OSM: variants seen among roughly 807,000 people sequenced by gnomAD.
OSM encodes oncostatin-M.
A neutral mutation model predicts 6.3 loss-of-function variants in OSM; 1 was observed. The ratio of observed to expected loss-of-function variants is 0.16; its 90% CI spans 0.06 to 0.76. The LOEUF is 0.76. OSM is among the 30% of genes least tolerant of loss of function. The probability of loss-of-function intolerance (pLI) is 0.77; values close to 1 mark genes in which losing one functional copy is unlikely to be tolerated. For synonymous variants in OSM, 135 were observed against 143.4 expected (o/e 0.94, Z 0.42); for missense variants, 324 against 336.9 (o/e 0.96, Z 0.30).
At chr22:30,265,186 AG>A (rs1929360362) in intron 1 of OSM, 42 bp from the exon 2 acceptor site, 1 of 1,587,466 alleles carries the variant, frequency 6.3e-7, no homozygotes, top group Non-Finnish European at 8.6e-7. Flanking sequence ...TGGTGAGGAA[AG>A]CCACAGATGG....
At position 30,263,429 on chromosome 22, in the gene OSM, A is replaced by C. The variant is rs1929291237; in HGVS notation, c.*454T>G. On this transcript the variant is annotated 3_prime_UTR_variant, in exon 3 of 3. Transcript: ENST00000215781. The stretch of plus-strand genomic sequence containing the variant: ...CAGACATCCAGGTGTCTGGTTTGGG[A>C]CATGATGAGGCATAGGAGGCCAGCT... 6.2e-6 allele frequency: 1 copy of C among 160,884 alleles called. No homozygotes were observed. The highest frequency in any genetic ancestry group is 2.0e-4 in the South Asian group (1 of 4,988). 10.0% of individuals were successfully genotyped at this position (160,884 alleles called of 1,614,324 possible).
At chr22:30,265,170 C>G in intron 1 of OSM, 26 bp from the exon 2 acceptor site, 1 of 1,595,544 alleles carries the variant, frequency 6.3e-7, no homozygotes, top group Non-Finnish European at 8.6e-7. Flanking sequence ...GGGGTGTCAC[C>G]TGACTTGGTG....
rs1364162720 is a variant in OSM, at chr22:30,264,037, A to G, written c.605T>C (p.Met202Thr). Reference protein sequence around the residue: ...CRFLHGYHRFMHSVGRVFSKW... With the variant: ...CRFLHGYHRFTHSVGRVFSKW... ...GCTGAAGACCCGCCCCACTGAGTGCATGAAGCGATGGTAGCCATGCAGGAA... is the reference window on the plus strand; with the variant it reads ...GCTGAAGACCCGCCCCACTGAGTGCGTGAAGCGATGGTAGCCATGCAGGAA... The change falls in exon 3 of 3, where the codon ATG becomes ACG. Residue 202 changes from methionine (M) to threonine (T), a missense_variant. By Grantham distance (81) the Met-to-Thr change is moderately conservative (BLOSUM62 -1). Coordinates refer to ENST00000215781, the MANE Select transcript of OSM (RefSeq NM_020530.6). The G allele has an allele frequency of 1.3e-6, 2 of 1,577,754 alleles. No individual in the cohort carries two copies. Among genetic ancestry groups the G allele is most frequent in the African/African-American group, 1.4e-5 (1 of 74,052 alleles).
chr22:30,263,643 G>A lies in OSM; in HGVS notation c.*240C>T, dbSNP rs201680402. On this transcript the variant is annotated 3_prime_UTR_variant, in exon 3 of 3. Coordinates refer to ENST00000215781, the MANE Select transcript of OSM (RefSeq NM_020530.6). ...AAAGTCGGTCCCGCGTGGCCCGCCC[G>A]GCCACCCCACTGGGCCTGGGGAACT... The A allele has an allele frequency of 2.3e-4, 93 of 409,908 alleles. No individual in the cohort carries two copies. In the Middle Eastern group the frequency reaches 3.1e-3, roughly 14 times the overall value. The allele number at this position is 409,908 out of a possible 1,614,324, so 25.4% of individuals were successfully genotyped here.
intron 1 of OSM, among the ~76,000 whole-genome samples, chr22:30,265,971 G>C (rs986023735): frequency 6.6e-6 from 1 of 152,262 alleles, no homozygotes; most frequent in African/African-American, 2.4e-5. Context: ...GCAATGGCCC[G>C]GAAGGCAGTG....
chr22:30,266,649 T>C lies in OSM; in HGVS notation c.34+117A>G. On this transcript the variant is annotated intron_variant, in intron 1 of 2. Coordinates refer to ENST00000215781, the MANE Select transcript of OSM (RefSeq NM_020530.6). The surrounding 1 kb of genome is among the most constrained non-coding windows in gnomAD (Gnocchi z 5.0). ...GGCTCTCTCCCCTTCTCAGCATCCT[T>C]CTGCCTGGCGCCTGGCCTCCCCAGT... The C allele has an allele frequency of 8.7e-7, 1 of 1,148,470 alleles. No homozygotes were observed. The highest frequency in any genetic ancestry group is 1.3e-6 in the Non-Finnish European group (1 of 779,570). The allele number at this position is 1,148,470 out of a possible 1,614,324, so 71.1% of individuals were successfully genotyped here. A position where few individuals can be genotyped will look rare whatever the true frequency, so the allele number is the denominator to read the frequency against.
At chr22:30,265,239 T>C in intron 1 of OSM, 95 bp from the exon 2 acceptor site, 2 of 1,531,458 alleles carry the variant, frequency 1.3e-6, no homozygotes, top group Admixed American at 3.8e-5. Context: ...GAAAGGTGCC[T>C]CCTTCATCCC....
rs201450820 is a variant in OSM, at chr22:30,264,206, G to A, written c.436C>T (p.Leu146Phe). ...LQMARPNILGLRNNIYCMAQL... is the reference protein window; with the variant it reads ...LQMARPNILGFRNNIYCMAQL... ...GCCATGCAGTAGATGTTGTTCCTGA[G>A]CCCGAGGATGTTCGGCCTCGCCATC... The change falls in exon 3 of 3, where the codon CTC becomes TTC. Residue 146 changes from leucine (L) to phenylalanine (F), a missense_variant. By Grantham distance (22) the Leu-to-Phe change is conservative (BLOSUM62 0). Coordinates refer to ENST00000215781, the MANE Select transcript of OSM (RefSeq NM_020530.6). The A allele has an allele frequency of 4.0e-5, 64 of 1,613,944 alleles. No homozygotes were observed. The highest frequency in any genetic ancestry group is 5.1e-5 in the Non-Finnish European group (60 of 1,180,042).
In OSM at chr22:30,265,044, C is replaced by T. The variant is rs1251332560; in HGVS notation, c.135G>A (p.Gln45=). 6.2e-6 allele frequency: 10 copies of T among 1,614,192 alleles called. No homozygotes were observed. The highest frequency in any genetic ancestry group is 8.5e-6 in the Non-Finnish European group (10 of 1,180,012). Residue 45 remains glutamine, a synonymous_variant, in exon 2 of 3, where the codon CAG becomes CAA. Transcript: ENST00000215781. The part of the protein sequence containing the change: ...YRVLLGQLQK[Q]TDLMQDTSRL... The stretch of plus-strand genomic sequence containing the variant: ...TGCTGGTGTCCTGCATGAGATCTGT[C>T]TGCTTCTGGAGCTGGCCAAGGAGCA...
chr22:30,264,961 G>C, intron 2 of OSM, 41 bp downstream of exon 2: 1 of 1,606,460 alleles, frequency 6.2e-7, no homozygotes, highest in Non-Finnish European at 8.5e-7. Flanking sequence ...TAACCCCATA[G>C]TTCTCTGAGA....
rs1273137296 is a variant in OSM, at chr22:30,263,806, A to T, written c.*77T>A. On this transcript the variant is annotated 3_prime_UTR_variant, in exon 3 of 3. Coordinates refer to ENST00000215781, the MANE Select transcript of OSM (RefSeq NM_020530.6). ...AGGGGAACAGGTTTGGGGACCCGGG[A>T]GCTGTCATCCTGCGATGGTTCCTCT... 1 of 1,195,062 alleles carries T rather than the reference A, an allele frequency of 8.4e-7. No individual in the cohort carries two copies. The highest frequency in any genetic ancestry group is 1.1e-6 in the Non-Finnish European group (1 of 873,928). The allele number at this position is 1,195,062 out of a possible 1,614,324, so 74.0% of individuals were successfully genotyped here.
chr22:30,266,734 CG>C lies in OSM; in HGVS notation c.34+31del. ...GGCACCCGTGGGCAGACCCAGCAGG[CG>C]GGTTCTGGCGGGGAGGAAGGAAGTA... On this transcript the variant is annotated intron_variant, in intron 1 of 2. Coordinates refer to ENST00000215781, the MANE Select transcript of OSM (RefSeq NM_020530.6). This position sits in a 1 kb window ranked among gnomAD's most constrained non-coding sequence, Gnocchi z 5.0. 6.2e-7 allele frequency: 1 copy of C among 1,612,110 alleles called. No homozygotes were observed. Among genetic ancestry groups the C allele is most frequent in the Non-Finnish European group, 8.5e-7 (1 of 1,178,760 alleles).
rs1929291451 is a variant in OSM at position 30,263,431 on chromosome 22, AT to A, written c.*451del. 6.2e-6 allele frequency: 1 copy of A among 161,146 alleles called. No homozygotes were observed. The highest frequency in any genetic ancestry group is 2.0e-4 in the South Asian group (1 of 4,994). The allele number at this position is 161,146 out of a possible 1,614,324, so 10.0% of individuals were successfully genotyped here. A position where few individuals can be genotyped will look rare whatever the true frequency, so the allele number is the denominator to read the frequency against. ...GACATCCAGGTGTCTGGTTTGGGACATGATGAGGCATAGGAGGCCAGCTCAG... is the reference window on the plus strand; with the variant it reads ...GACATCCAGGTGTCTGGTTTGGGACAGATGAGGCATAGGAGGCCAGCTCAG... On this transcript the variant is annotated 3_prime_UTR_variant, in exon 3 of 3. Coordinates refer to ENST00000215781, the MANE Select transcript of OSM (RefSeq NM_020530.6).
In OSM at chr22:30,263,959, A is replaced by C. The variant is rs1929310760; in HGVS notation, c.683T>G (p.Leu228Arg). ...RSRRHSPHQALRKGVRRTRPS... is the reference protein window; with the variant it reads ...RSRRHSPHQARRKGVRRTRPS... ...TCTGGTCCTGCGCACCCCCTTCCTCAGGGCCTGGTGGGGGCTGTGTCTCCG... is the reference window on the plus strand; with the variant it reads ...TCTGGTCCTGCGCACCCCCTTCCTCCGGGCCTGGTGGGGGCTGTGTCTCCG... Residue 228 changes from leucine (L) to arginine (R), a missense_variant, in exon 3 of 3, where the codon CTG (leucine) becomes CGG (arginine). Coordinates refer to ENST00000215781, the MANE Select transcript of OSM (RefSeq NM_020530.6). The C allele has an allele frequency of 6.5e-7, 1 of 1,527,852 alleles. No homozygotes were observed. Among genetic ancestry groups the C allele is most frequent in the Non-Finnish European group, 8.8e-7 (1 of 1,138,984 alleles). The allele number at this position is 1,527,852 out of a possible 1,614,324, so 94.6% of individuals were successfully genotyped here. A position where few individuals can be genotyped will look rare whatever the true frequency, so the allele number is the denominator to read the frequency against.
chr22:30,263,827 CCT>C lies in OSM; in HGVS notation c.*54_*55del, dbSNP rs1329216711. Reference sequence around the variant, plus strand: ...CGGGAGCTGTCATCCTGCGATGGTTCCTCTCATCCACAGAGCACCTGCCGCAT... The same window carrying C: ...CGGGAGCTGTCATCCTGCGATGGTTCCTCATCCACAGAGCACCTGCCGCAT... On this transcript the variant is annotated 3_prime_UTR_variant, in exon 3 of 3. Transcript: ENST00000215781. 13 of 1,357,220 alleles carry C rather than the reference CCT, an allele frequency of 9.6e-6. No homozygotes were observed. In the Admixed American group the frequency reaches 2.7e-4, roughly 28 times the overall value. 84.1% of individuals were successfully genotyped at this position (1,357,220 alleles called of 1,614,324 possible). A position where few individuals can be genotyped will look rare whatever the true frequency, so the allele number is the denominator to read the frequency against.
chr22:30,263,531 A>C lies in OSM; in HGVS notation c.*352T>G. ...ACGGCCCTGCAAGTCATGAGAGGGA[A>C]GGACCGGCAGGCCTCGGGGAGCAAG... On this transcript the variant is annotated 3_prime_UTR_variant, in exon 3 of 3. Transcript: ENST00000215781. 7 of 266,098 alleles carry C rather than the reference A, an allele frequency of 2.6e-5. No individual in the cohort carries two copies. Among genetic ancestry groups the C allele is most frequent in the East Asian group, 6.6e-5 (1 of 15,208 alleles). The allele number at this position is 266,098 out of a possible 1,614,324, so 16.5% of individuals were successfully genotyped here. A position where few individuals can be genotyped will look rare whatever the true frequency, so the allele number is the denominator to read the frequency against.
chr22:30,266,651 T>C lies in OSM; in HGVS notation c.34+115A>G, dbSNP rs2145738371. 8.6e-7 allele frequency: 1 copy of C among 1,164,808 alleles called. No individual in the cohort carries two copies. The highest frequency in any genetic ancestry group is 1.3e-6 in the Non-Finnish European group (1 of 792,890). 72.2% of individuals were successfully genotyped at this position (1,164,808 alleles called of 1,614,324 possible). A position where few individuals can be genotyped will look rare whatever the true frequency, so the allele number is the denominator to read the frequency against. On this transcript the variant is annotated intron_variant, in intron 1 of 2. Transcript: ENST00000215781. The surrounding 1 kb of genome is among the most constrained non-coding windows in gnomAD (Gnocchi z 5.0). ...CTCTCTCCCCTTCTCAGCATCCTTC[T>C]GCCTGGCGCCTGGCCTCCCCAGTTC...
chr22:30,264,650 G>C (rs1047663590), intron 2 of OSM, among the ~76,000 whole-genome samples, 186 bp from the exon 3 acceptor site: 2 of 152,196 alleles, frequency 1.3e-5, no homozygotes, highest in Non-Finnish European at 2.9e-5. Context: ...AGTGATGTTG[G>C]GGGGCTGGTG....
Position 30,266,668 on chromosome 22 carries a change from C to T in OSM, c.34+98G>A. 1 of 1,397,582 alleles carries T rather than the reference C, an allele frequency of 7.2e-7. No homozygotes were observed. The highest frequency in any genetic ancestry group is 1.0e-6 in the Non-Finnish European group (1 of 993,180). The allele number at this position is 1,397,582 out of a possible 1,614,324, so 86.6% of individuals were successfully genotyped here. On this transcript the variant is annotated intron_variant, in intron 1 of 2. Transcript: ENST00000215781. The surrounding 1 kb of genome is among the most constrained non-coding windows in gnomAD (Gnocchi z 5.0). ...CATCCTTCTGCCTGGCGCCTGGCCTCCCCAGTTCCCGGAGGGCAGAGGGTG... is the reference window on the plus strand; with the variant it reads ...CATCCTTCTGCCTGGCGCCTGGCCTTCCCAGTTCCCGGAGGGCAGAGGGTG...
Sources: allele counts gnomAD v4.1 joint callset (sites outside exome capture counted in the v4.1 genomes callset), GRCh38; gene constraint gnomAD v4.1.1; non-coding constraint Gnocchi (gnomAD v3.1); transcripts MANE v1.5; gene names NCBI Gene and HGNC (gene_info 2026-07-23, HGNC 2026-07-21).